SIRT2: variants seen among roughly 807,000 people sequenced by gnomAD.
SIRT2 encodes NAD-dependent protein deacetylase sirtuin-2.
A neutral mutation model predicts 57.4 loss-of-function variants in SIRT2; 40 were observed. That is an observed-to-expected ratio of 0.70 (90% confidence interval 0.54 to 0.91). The LOEUF is 0.91. Among genes scored for constraint, SIRT2 ranks in the 40% least tolerant of loss-of-function variants. SIRT2 has a pLI of 0.00. For missense variants in SIRT2, 439 were observed against 510.4 expected, an observed-to-expected ratio of 0.86 and a Z score of 1.35; for synonymous variants, 161 against 195.7, an observed-to-expected ratio of 0.82 and a Z score of 1.48.
chr19:38,889,312 C>T (rs1252520895), intron 7 of SIRT2, 157 bp from the exon 8 acceptor site: 3 of 736,952 alleles, frequency 4.1e-6, no homozygotes, highest in Non-Finnish European at 5.0e-6. Context: ...CCCCAGATCA[C>T]AGATGAGGAA....
Position 38,880,025 on chromosome 19 carries a change from A to C in SIRT2, c.877-323T>G. On this transcript the variant is annotated intron_variant, in intron 13 of 15. Coordinates refer to ENST00000249396, the MANE Select transcript of SIRT2 (RefSeq NM_012237.4). The surrounding 1 kb of genome is among the most constrained non-coding windows in gnomAD (Gnocchi z 4.1). ...TTATTAGTAGAGACGGGGTTTCACCATGTTGGTCAGGCTGGTCTCGAACTC... is the reference window on the plus strand; with the variant it reads ...TTATTAGTAGAGACGGGGTTTCACCCTGTTGGTCAGGCTGGTCTCGAACTC... 3.6e-6 allele frequency: 1 copy of C among 274,126 alleles called. No homozygotes were observed. Among genetic ancestry groups the C allele is most frequent in the Admixed American group, 4.8e-5 (1 of 20,862 alleles). 17.0% of individuals were successfully genotyped at this position (274,126 alleles called of 1,614,324 possible). A position where few individuals can be genotyped will look rare whatever the true frequency, so the allele number is the denominator to read the frequency against.
At chr19:38,895,810 C>T (rs140863633) in intron 2 of SIRT2, among the ~76,000 whole-genome samples, 65 of 152,072 alleles carry the variant, frequency 4.3e-4, no homozygotes, top group African/African-American at 1.4e-3. Context: ...CGGTGGCTCA[C>T]GCCTGTAATC....
chr19:38,890,022 C>A (rs1293187900), intron 5 of SIRT2, 61 bp from the exon 6 acceptor site: 1 of 1,610,164 alleles, frequency 6.2e-7, no homozygotes, highest in East Asian at 2.2e-5. Flanking sequence ...CAGGACAGGG[C>A]TCAGATAGGG....
chr19:38,895,093 C>T (rs1175532312), intron 2 of SIRT2, among the ~76,000 whole-genome samples: 1 of 151,306 alleles, frequency 6.6e-6, no homozygotes, highest in Non-Finnish European at 1.5e-5. Context: ...CCTGCCACAG[C>T]CCTTCAGCTC....
chr19:38,898,028 C>T (rs1421380817), intron 2 of SIRT2, among the ~76,000 whole-genome samples: 4 of 152,334 alleles, frequency 2.6e-5, no homozygotes, highest in African/African-American at 9.6e-5. Context: ...CGTCATCACG[C>T]TGTGAGATCA....
At chr19:38,889,055 ATCCTCCT>A (rs1033601923) in intron 8 of SIRT2, 25 bp downstream of exon 8, 7 of 1,602,838 alleles carry the variant, frequency 4.4e-6, no homozygotes, top group Non-Finnish European at 5.1e-6. Context: ...CCACCCGCCC[ATCCTCCT>A]CCCAGGATGC....
At position 38,879,238 on chromosome 19, in the gene SIRT2, G is replaced by A. The variant is rs1973042646; in HGVS notation, c.1087C>T (p.Pro363Ser). Residue 363 changes from proline to serine, a missense_variant, in exon 16 of 16, where the codon CCC becomes TCC. Physicochemically the swap from Pro to Ser is moderately conservative, Grantham distance 74 (BLOSUM62 -1). Transcript: ENST00000249396. ...TTCTTGGGGGAAGCTGAAGTGCTGGGGTTGGGGACCCCCGCCCCCGACTGG... is the reference window on the plus strand; with the variant it reads ...TTCTTGGGGGAAGCTGAAGTGCTGGAGTTGGGGACCCCCGCCCCCGACTGG... Reference protein sequence around the residue: ...DAQSGAGVPNPSTSASPKKSP... With the variant: ...DAQSGAGVPNSSTSASPKKSP... The A allele has an allele frequency of 1.2e-6, 2 of 1,603,692 alleles. No individual in the cohort carries two copies. The highest frequency in any genetic ancestry group is 3.6e-5 in the Admixed American group (2 of 55,574).
rs199632215 is a variant in SIRT2 at position 38,898,463 on chromosome 19, A to G, written c.17-38T>C. 48 of 1,399,736 alleles carry G rather than the reference A, an allele frequency of 3.4e-5. No homozygotes were observed. The East Asian group carries it at 1.2e-3, about 34-fold the overall frequency. 86.7% of individuals were successfully genotyped at this position (1,399,736 alleles called of 1,614,324 possible). On this transcript the variant is annotated intron_variant, in intron 1 of 15. Transcript: ENST00000249396. ...AGCAGAGGTGGTTACAGTGGGGAGAACGATTAAGGGGGGAATAAAGGGGTT... is the reference window on the plus strand; with the variant it reads ...AGCAGAGGTGGTTACAGTGGGGAGAGCGATTAAGGGGGGAATAAAGGGGTT...
At position 38,898,362 on chromosome 19, in the gene SIRT2, C is replaced by A; in HGVS notation, c.63+17G>T. 1 of 1,489,700 alleles carries A rather than the reference C, an allele frequency of 6.7e-7. No individual in the cohort carries two copies. The highest frequency in any genetic ancestry group is 1.4e-5 in the South Asian group (1 of 71,782). The allele number at this position is 1,489,700 out of a possible 1,614,324, so 92.3% of individuals were successfully genotyped here. On this transcript the variant is annotated intron_variant, in intron 2 of 15. Transcript: ENST00000249396. Reference sequence around the variant, plus strand: ...AGTCCGTCTCTCTCCTCCCCTCCACCCTTTCCCCCATCTCACCTGAGCCTC... The same window carrying A: ...AGTCCGTCTCTCTCCTCCCCTCCACACTTTCCCCCATCTCACCTGAGCCTC...
In SIRT2 at chr19:38,879,129, G is replaced by A. The variant is rs199976060; in HGVS notation, c.*26C>T. The A allele has an allele frequency of 1.4e-3, 2,107 of 1,542,974 alleles. 24 individuals are homozygous for A. In the South Asian group the frequency reaches 0.014, roughly 10 times the overall value. ...GGGCTCAGCTGTCCCTGAGGAGCTC[G>A]GCATCCCGCCTGGGAGATGCAGCTG... On this transcript the variant is annotated 3_prime_UTR_variant, in exon 16 of 16. Transcript: ENST00000249396.
intron 1 of SIRT2, chr19:38,898,740 C>T: frequency 3.4e-6 from 1 of 291,464 alleles, no homozygotes; most frequent in Admixed American, 5.0e-5. Context: ...CCACCTTGGC[C>T]TCCCAAAGTA....
At chr19:38,881,184 G>A (rs1399150293) in intron 10 of SIRT2, 29 bp from the exon 11 acceptor site, 7 of 1,606,048 alleles carry the variant, frequency 4.4e-6, no homozygotes, top group Non-Finnish European at 2.6e-6. Context: ...GACGGACAGA[G>A]ACAGTGACAT....
chr19:38,893,808 A>G lies in SIRT2; in HGVS notation c.112+11T>C. 1 of 1,613,662 alleles carries G rather than the reference A, an allele frequency of 6.2e-7. No individual in the cohort carries two copies. The highest frequency in any genetic ancestry group is 1.3e-5 in the African/African-American group (1 of 74,996). The stretch of plus-strand genomic sequence containing the variant: ...GAACCCTGCTCCCTGTCCCTCCAGG[A>G]AGATACTCACTGTCTGCTTCTCCAC... On this transcript the variant is annotated intron_variant, in intron 3 of 15. Transcript: ENST00000249396.
At chr19:38,889,820 C>T (rs1234405351) in intron 6 of SIRT2, 35 bp downstream of exon 6, 2 of 1,612,848 alleles carry the variant, frequency 1.2e-6, no homozygotes, top group African/African-American at 1.3e-5. Context: ...CCATCCCCAC[C>T]CCTCACAGAC....
intron 2 of SIRT2, among the ~76,000 whole-genome samples, chr19:38,897,559 G>A (rs1973756494): frequency 1.3e-5 from 2 of 150,098 alleles, no homozygotes; most frequent in African/African-American, 4.9e-5. Flanking sequence ...GTTTTGCTCT[G>A]TCGCCCCGGT....
At position 38,881,151 on chromosome 19, in the gene SIRT2, G is replaced by A. The variant is rs143663529; in HGVS notation, c.696C>T (p.Ile232=). ...EDCQSLVKPD[I]VFFGESLPAR... ...CTGGGAGGCTCTCACCAAAAAAGACGATATCTGAGGTGGAGACAGATGGAC... is the reference window on the plus strand; with the variant it reads ...CTGGGAGGCTCTCACCAAAAAAGACAATATCTGAGGTGGAGACAGATGGAC... The change falls in exon 11 of 16, where the codon ATC becomes ATT. Residue 232 remains isoleucine, a synonymous_variant. Coordinates refer to ENST00000249396, the MANE Select transcript of SIRT2 (RefSeq NM_012237.4). 2.2e-4 allele frequency: 353 copies of A among 1,612,726 alleles called. 2 individuals carry two copies. The highest frequency in any genetic ancestry group is 2.1e-3 in the South Asian group (186 of 90,712).
intron 2 of SIRT2, among the ~76,000 whole-genome samples, chr19:38,895,765 T>C (rs935197058): frequency 6.6e-6 from 1 of 152,210 alleles, no homozygotes; most frequent in African/African-American, 2.4e-5. Flanking sequence ...AGTGAGACTC[T>C]GTCTCTATTT....
chr19:38,895,207 C>A (rs1973679766), intron 2 of SIRT2, among the ~76,000 whole-genome samples: 2 of 152,090 alleles, frequency 1.3e-5, no homozygotes, highest in Admixed American at 6.6e-5. Context: ...GGGTCCTGCC[C>A]CAGCCTCCTC....
intron 7 of SIRT2, 69 bp downstream of exon 7, chr19:38,889,620 G>C: frequency 6.4e-7 from 1 of 1,560,398 alleles, no homozygotes; most frequent in Non-Finnish European, 8.8e-7. Flanking sequence ...GCAGGGCCTT[G>C]GCGGGGCTTC....
Sources: allele counts gnomAD v4.1 joint callset (sites outside exome capture counted in the v4.1 genomes callset), GRCh38; gene constraint gnomAD v4.1.1; non-coding constraint Gnocchi (gnomAD v3.1); transcripts MANE v1.5; gene names NCBI Gene and HGNC (gene_info 2026-07-23, HGNC 2026-07-21).